Variants in CCDC91 observed in about 807,000 individuals in gnomAD.
CCDC91 encodes the protein coiled-coil domain-containing protein 91.
CCDC91 carries 48 observed loss-of-function variants against 63.2 expected under a neutral mutation model. The observed-to-expected ratio is 0.76, with a 90% confidence interval of 0.60 to 0.97. The LOEUF (loss-of-function observed/expected upper bound fraction) is 0.97, where lower values mean the gene tolerates loss of function less well. Among genes scored for constraint, CCDC91 ranks in the 50% least tolerant of loss-of-function variants. The pLI is 0.00. For synonymous variants in CCDC91, 167 were observed against 165.8 expected (o/e 1.01, Z -0.06); for missense variants, 500 against 494.6 (o/e 1.01, Z -0.10).
At chr12:28,512,496 A>G (rs928240324) in intron 12 of CCDC91, among the ~76,000 whole-genome samples, 13 of 151,948 alleles carry the variant, frequency 8.6e-5, no homozygotes, top group African/African-American at 2.9e-4. Context: ...AGCAGGGGTC[A>G]GCAAAACATG....
chr12:28,280,815 T>C (rs990681133), intron 3 of CCDC91, among the ~76,000 whole-genome samples: 30 of 139,608 alleles, frequency 2.1e-4, no homozygotes, highest in African/African-American at 7.7e-4. Context: ...CGCGTTTCTT[T>C]AAAAAAAAAA....
intron 11 of CCDC91, among the ~76,000 whole-genome samples, chr12:28,455,961 A>G (rs7307682): frequency 0.11 from 16,775 of 152,142 alleles, 1,214 homozygotes; most frequent in Non-Finnish European, 0.16. Flanking sequence ...AACAGTCAGT[A>G]TTCAAATTCA....
chr12:28,204,652 C>T (rs1347834793), intron 1 of CCDC91, among the ~76,000 whole-genome samples: 1 of 152,024 alleles, frequency 6.6e-6, no homozygotes, highest in East Asian at 1.9e-4. Context: ...CTCCTTATTA[C>T]ATTTGAATCA....
intron 12 of CCDC91, among the ~76,000 whole-genome samples, chr12:28,538,576 T>C (rs1248317819): frequency 5.9e-5 from 9 of 152,296 alleles, no homozygotes; most frequent in Admixed American, 1.3e-4. Flanking sequence ...TACATGTGCA[T>C]GTGTCTTTAT....
intron 8 of CCDC91, among the ~76,000 whole-genome samples, chr12:28,403,624 G>T (rs1946765939): frequency 6.6e-6 from 1 of 151,970 alleles, no homozygotes; most frequent in Non-Finnish European, 1.5e-5. Context: ...CATGAACTTG[G>T]TGGCTAGGAT....
At chr12:28,493,365 T>G (rs1194695687) in intron 12 of CCDC91, among the ~76,000 whole-genome samples, 1 of 151,776 alleles carries the variant, frequency 6.6e-6, no homozygotes. Flanking sequence ...CTTTTTCCAC[T>G]AACAGGAATT....
rs560143683 is a variant in CCDC91 at position 28,312,192 on chromosome 12, A to T, written c.576+4443A>T. 2.6e-5 allele frequency among the ~76,000 whole-genome samples: 4 copies of T among 152,044 alleles called. No homozygotes were observed. In the South Asian group the frequency reaches 8.3e-4, roughly 32 times the overall value. Reference sequence around the variant, plus strand: ...CATTAATTTGAAACAGGTAACTTTGAGTCGGTTTTTTTTGGAGGTGGGGAA... The same window carrying T: ...CATTAATTTGAAACAGGTAACTTTGTGTCGGTTTTTTTTGGAGGTGGGGAA... On this transcript the variant is annotated intron_variant, in intron 6 of 12. Coordinates refer to ENST00000536442, the MANE Select transcript of CCDC91 (RefSeq NM_018318.5).
intron 1 of CCDC91, among the ~76,000 whole-genome samples, chr12:28,205,346 A>G (rs1171634061): frequency 6.6e-6 from 1 of 152,116 alleles, no homozygotes; most frequent in East Asian, 1.9e-4. Context: ...CATATTAAGT[A>G]CAGAGGTAAA....
chr12:28,257,482 T>G (rs1289981019), intron 2 of CCDC91, among the ~76,000 whole-genome samples: 1 of 152,108 alleles, frequency 6.6e-6, no homozygotes, highest in Non-Finnish European at 1.5e-5. Context: ...TAAATTGAGT[T>G]AATTAAGTGC....
chr12:28,307,350 C>T (rs1270836857), intron 5 of CCDC91, among the ~76,000 whole-genome samples: 2 of 151,834 alleles, frequency 1.3e-5, no homozygotes, highest in African/African-American at 2.4e-5. Flanking sequence ...CTTATGCTTT[C>T]TTCCCTGTGA....
intron 8 of CCDC91, among the ~76,000 whole-genome samples, chr12:28,394,921 A>G (rs1231652694): frequency 6.6e-6 from 1 of 152,144 alleles, no homozygotes; most frequent in Non-Finnish European, 1.5e-5. Context: ...TAGTACTATT[A>G]TATGTATTAT....
intron 11 of CCDC91, among the ~76,000 whole-genome samples, chr12:28,483,725 T>TA (rs2140914496): frequency 6.6e-6 from 1 of 152,214 alleles, no homozygotes; most frequent in Admixed American, 6.6e-5. Flanking sequence ...TTGGAAGTCT[T>TA]ATGTGGATAG....
At chr12:28,336,377 T>A in intron 6 of CCDC91, among the ~76,000 whole-genome samples, 1 of 152,292 alleles carries the variant, frequency 6.6e-6, no homozygotes, top group African/African-American at 2.4e-5. Context: ...TTTAAAGTGC[T>A]CCTTAAGTCC....
chr12:28,535,745 A>G (rs989973582), intron 12 of CCDC91, among the ~76,000 whole-genome samples: 5 of 152,126 alleles, frequency 3.3e-5, no homozygotes, highest in Non-Finnish European at 7.4e-5. Context: ...ATATGTGGGA[A>G]ACGGGCCTGG....
At chr12:28,351,958 A>G (rs977930338) in intron 6 of CCDC91, among the ~76,000 whole-genome samples, 2 of 152,100 alleles carry the variant, frequency 1.3e-5, no homozygotes, top group African/African-American at 4.8e-5. Flanking sequence ...GGATAACCCT[A>G]TACAGGCATG....
intron 1 of CCDC91, among the ~76,000 whole-genome samples, chr12:28,236,043 G>A (rs1012384847): frequency 1.3e-5 from 2 of 152,036 alleles, no homozygotes; most frequent in Non-Finnish European, 2.9e-5. Context: ...GCTATGCTTT[G>A]CTGTTGGAAG....
At chr12:28,334,274 A>T (rs948730467) in intron 6 of CCDC91, among the ~76,000 whole-genome samples, 1 of 152,080 alleles carries the variant, frequency 6.6e-6, no homozygotes, top group Admixed American at 6.6e-5. Flanking sequence ...GTATAGTTCT[A>T]TTCTTTATCT....
At chr12:28,511,227 C>T (rs1451460948) in intron 12 of CCDC91, among the ~76,000 whole-genome samples, 4 of 151,850 alleles carry the variant, frequency 2.6e-5, no homozygotes, top group Non-Finnish European at 4.4e-5. Flanking sequence ...TAGGACTACT[C>T]GCTTTCACTC....
intron 1 of CCDC91, among the ~76,000 whole-genome samples, chr12:28,249,052 C>A (rs1371452723): frequency 6.6e-6 from 1 of 152,124 alleles, no homozygotes; most frequent in Non-Finnish European, 1.5e-5. Context: ...CTTAAAATGC[C>A]TTCTGTTTTC....
Sources: allele counts gnomAD v4.1 joint callset (sites outside exome capture counted in the v4.1 genomes callset), GRCh38; gene constraint gnomAD v4.1.1; transcripts MANE v1.5; gene names NCBI Gene and HGNC (gene_info 2026-07-23, HGNC 2026-07-21).